Variants in ERFL observed in about 807,000 individuals in gnomAD.
The protein encoded by ERFL is ETS repressor factor like, also known as ETS domain-containing transcription factor ERF-like.
Under a neutral mutation model 27.9 loss-of-function variants are expected in ERFL, and 8 were observed. The ratio of observed to expected loss-of-function variants is 0.29; its 90% CI spans 0.17 to 0.52. The LOEUF (loss-of-function observed/expected upper bound fraction) is 0.52, where lower values mean the gene tolerates loss of function less well. ERFL is among the 20% of genes least tolerant of loss of function. ERFL has a pLI of 0.97. For synonymous variants in ERFL, 174 were observed against 202.8 expected (o/e 0.86, Z 1.21); for missense variants, 294 against 444.4 (o/e 0.66, Z 3.04).
chr19:41,917,658 A>G lies in ERFL; in HGVS notation c.-13-4726T>C, dbSNP rs1036797402. ...TGCCCCAAAGCACACGCACGCACGCACACACACACCCTGACTGCACCCACC... is the reference window on the plus strand; with the variant it reads ...TGCCCCAAAGCACACGCACGCACGCGCACACACACCCTGACTGCACCCACC... On this transcript the variant is annotated intron_variant, in intron 1 of 5. Transcript: ENST00000597630. This position sits in a 1 kb window ranked among gnomAD's most constrained non-coding sequence, Gnocchi z 4.8. 1.1e-4 allele frequency among the ~76,000 whole-genome samples: 16 copies of G among 151,560 alleles called. No individual in the cohort carries two copies. Among genetic ancestry groups the G allele is most frequent in the South Asian group, 2.1e-4 (1 of 4,656 alleles).
At chr19:41,927,858 G>A (rs2074880724) in intron 1 of ERFL, among the ~76,000 whole-genome samples, 182 bp downstream of exon 1, 2 of 151,180 alleles carry the variant, frequency 1.3e-5, no homozygotes, top group South Asian at 2.1e-4. Flanking sequence ...CACCTTCCCA[G>A]AGTTGGGCGC....
At chr19:41,922,911 C>G (rs545333125) in intron 1 of ERFL, among the ~76,000 whole-genome samples, 1 of 152,192 alleles carries the variant, frequency 6.6e-6, no homozygotes, top group South Asian at 2.1e-4. Flanking sequence ...CAGGCCTGGG[C>G]TGGAGGGGAT....
rs964361779 is a variant in ERFL, at chr19:41,921,619, C to G, written c.-14+6421G>C. Among the ~76,000 whole-genome samples, 14 of 151,946 alleles carry G rather than the reference C, an allele frequency of 9.2e-5. No homozygotes were observed. Among genetic ancestry groups the G allele is most frequent in the African/African-American group, 3.1e-4 (13 of 41,336 alleles). On this transcript the variant is annotated intron_variant, in intron 1 of 5. Coordinates refer to ENST00000597630, the MANE Select transcript of ERFL (RefSeq NM_001365103.2). This position sits in a 1 kb window ranked among gnomAD's most constrained non-coding sequence, Gnocchi z 4.4. ...CTGGAGGTCACGGGAGAGCGAGGGC[C>G]GCACCGGAGACCCTGGGTTGGGAGG...
intron 1 of ERFL, among the ~76,000 whole-genome samples, chr19:41,918,054 T>A (rs1555852100): frequency 6.7e-6 from 1 of 150,026 alleles, no homozygotes; most frequent in African/African-American, 2.5e-5. Flanking sequence ...GAGGAGGGGG[T>A]TCAGGGGTGA....
At chr19:41,915,249 C>T (rs899057265) in intron 1 of ERFL, among the ~76,000 whole-genome samples, 7 of 150,258 alleles carry the variant, frequency 4.7e-5, no homozygotes, top group African/African-American at 1.7e-4. Context: ...GTGGGATCGG[C>T]GCTCCGGGCC....
intron 1 of ERFL, among the ~76,000 whole-genome samples, chr19:41,927,414 G>A (rs1170263480): frequency 6.6e-6 from 1 of 151,844 alleles, no homozygotes; most frequent in African/African-American, 2.4e-5. Context: ...ATCCAAATTC[G>A]CAGACCCTTA....
chr19:41,910,482 T>TCTC lies in ERFL; in HGVS notation c.68-388_68-386dup, dbSNP rs2074745596. 6.6e-6 allele frequency among the ~76,000 whole-genome samples: 1 copy of TCTC among 151,536 alleles called. No individual in the cohort carries two copies. Among genetic ancestry groups the TCTC allele is most frequent in the African/African-American group, 2.4e-5 (1 of 41,202 alleles). On this transcript the variant is annotated intron_variant, in intron 2 of 5. Coordinates refer to ENST00000597630, the MANE Select transcript of ERFL (RefSeq NM_001365103.2). The surrounding 1 kb of genome is among the most constrained non-coding windows in gnomAD (Gnocchi z 4.4). The stretch of plus-strand genomic sequence containing the variant: ...ACTGCCCCCAGCCAGCCCTAGGAGG[T>TCTC]CTCTAGTCTCTTGTACCCTGCGGTG...
intron 1 of ERFL, among the ~76,000 whole-genome samples, chr19:41,918,227 A>T (rs1302301942): frequency 6.6e-6 from 1 of 151,604 alleles, no homozygotes; most frequent in Non-Finnish European, 1.5e-5. Flanking sequence ...CACACATACC[A>T]CATATACACA....
rs959542494 is a variant in ERFL at position 41,917,132 on chromosome 19, C to G, written c.-13-4200G>C. On this transcript the variant is annotated intron_variant, in intron 1 of 5. Coordinates refer to ENST00000597630, the MANE Select transcript of ERFL (RefSeq NM_001365103.2). The surrounding 1 kb of genome is among the most constrained non-coding windows in gnomAD (Gnocchi z 4.8). Reference sequence around the variant, plus strand: ...CCCCTTCGGGTGTCGGCGCATCTTTCTGTCTGTCTCTGTCACTGAGGGTCT... The same window carrying G: ...CCCCTTCGGGTGTCGGCGCATCTTTGTGTCTGTCTCTGTCACTGAGGGTCT... 6.6e-6 allele frequency among the ~76,000 whole-genome samples: 1 copy of G among 152,184 alleles called. No individual in the cohort carries two copies. The highest frequency in any genetic ancestry group is 2.4e-5 in the African/African-American group (1 of 41,438).
Position 41,908,752 on chromosome 19 carries a change from A to G in ERFL, c.617-76T>C. 1.4e-6 allele frequency: 1 copy of G among 737,950 alleles called. No homozygotes were observed. The highest frequency in any genetic ancestry group is 1.9e-6 in the Non-Finnish European group (1 of 537,060). The allele number at this position is 737,950 out of a possible 1,614,324, so 45.7% of individuals were successfully genotyped here. On this transcript the variant is annotated intron_variant, in intron 5 of 5. Transcript: ENST00000597630. This position sits in a 1 kb window ranked among gnomAD's most constrained non-coding sequence, Gnocchi z 6.7. Reference sequence around the variant, plus strand: ...CAGTAAAGGGGGCTGCCTCCCTGCCATATCCCACCCCATCTCCCCGCATCC... The same window carrying G: ...CAGTAAAGGGGGCTGCCTCCCTGCCGTATCCCACCCCATCTCCCCGCATCC...
chr19:41,919,980 C>T (rs1446567054), intron 1 of ERFL, among the ~76,000 whole-genome samples: 1 of 132,432 alleles, frequency 7.6e-6, no homozygotes, highest in Non-Finnish European at 1.6e-5. Flanking sequence ...GACACGCCCA[C>T]AGACGTGACA....
At position 41,910,456 on chromosome 19, in the gene ERFL, C is replaced by T. The variant is rs782429537; in HGVS notation, c.68-359G>A. ...CCGCCTCCAACAGCGTTAGTCCTCT[C>T]ACTGCCCCCAGCCAGCCCTAGGAGG... On this transcript the variant is annotated intron_variant, in intron 2 of 5. Transcript: ENST00000597630. This position sits in a 1 kb window ranked among gnomAD's most constrained non-coding sequence, Gnocchi z 4.4. Among the ~76,000 whole-genome samples the T allele has an allele frequency of 1.3e-5, 2 of 152,112 alleles. No homozygotes were observed. Among genetic ancestry groups the T allele is most frequent in the Non-Finnish European group, 2.9e-5 (2 of 68,000 alleles).
intron 1 of ERFL, among the ~76,000 whole-genome samples, chr19:41,919,430 ATCAC>A (rs1441676498): frequency 1.3e-5 from 2 of 152,284 alleles, no homozygotes; most frequent in South Asian, 2.1e-4. Context: ...GACACACAGT[ATCAC>A]TCAATTGTTA....
chr19:41,909,490 T>G lies in ERFL; in HGVS notation c.303-19A>C, dbSNP rs1599670809. 1 of 1,250,226 alleles carries G rather than the reference T, an allele frequency of 8.0e-7. No homozygotes were observed. The highest frequency in any genetic ancestry group is 1.0e-6 in the Non-Finnish European group (1 of 998,630). 77.4% of individuals were successfully genotyped at this position (1,250,226 alleles called of 1,614,324 possible). ...GTAGTAACTGTGGGGAGAGTGGTGG[T>G]GTTGGGGAGGTGCAGGGGGAGCCCT... On this transcript the variant is annotated intron_variant, in intron 3 of 5. Coordinates refer to ENST00000597630, the MANE Select transcript of ERFL (RefSeq NM_001365103.2). The surrounding 1 kb of genome is among the most constrained non-coding windows in gnomAD (Gnocchi z 5.2).
intron 1 of ERFL, among the ~76,000 whole-genome samples, chr19:41,914,568 TG>T (rs2074776512): frequency 2.3e-5 from 1 of 42,718 alleles, no homozygotes; most frequent in Non-Finnish European, 4.4e-5. Context: ...CCACCATCTC[TG>T]TCTCCGTCTC....
chr19:41,920,339 G>T (rs201514592), intron 1 of ERFL, among the ~76,000 whole-genome samples: 1 of 131,592 alleles, frequency 7.6e-6, no homozygotes, highest in Non-Finnish European at 1.6e-5. Flanking sequence ...ACACTCAGAC[G>T]TGATGCACTC....
Position 41,909,951 on chromosome 19 carries a change from T to C in ERFL, c.214A>G (p.Ile72Val). 1 of 1,613,940 alleles carries C rather than the reference T, an allele frequency of 6.2e-7. No homozygotes were observed. The highest frequency in any genetic ancestry group is 8.5e-7 in the Non-Finnish European group (1 of 1,179,966). Residue 72 changes from isoleucine to valine, a missense_variant, in exon 3 of 6, where the codon ATC (isoleucine) becomes GTC (valine). This residue lies in a region of ERFL where 246 missense variants were observed against 371.4 expected (regional missense o/e 0.66). Coordinates refer to ENST00000597630, the MANE Select transcript of ERFL (RefSeq NM_001365103.2). This position sits in a 1 kb window ranked among gnomAD's most constrained non-coding sequence, Gnocchi z 5.2. ...AWQGDYGEFV[I>V]KDPDEVARLW... ...CGGGCCACCTCATCGGGGTCTTTGATGACGAATTCCCCGTAGTCCCCCTGC... is the reference window on the plus strand; with the variant it reads ...CGGGCCACCTCATCGGGGTCTTTGACGACGAATTCCCCGTAGTCCCCCTGC...
intron 2 of ERFL, among the ~76,000 whole-genome samples, chr19:41,911,661 G>A (rs2074752433): frequency 6.6e-6 from 1 of 152,048 alleles, no homozygotes; most frequent in Non-Finnish European, 1.5e-5. Context: ...TGACAGGGCT[G>A]GATCCAGACT....
chr19:41,926,982 AAGAG>A (rs1336052912), intron 1 of ERFL, among the ~76,000 whole-genome samples: 6 of 151,796 alleles, frequency 4.0e-5, no homozygotes, highest in African/African-American at 9.7e-5. Flanking sequence ...CCGAGAAAGG[AAGAG>A]AGAGAGATAG....
Sources: gnomAD v4.1 joint callset for allele counts (sites outside exome capture counted in the v4.1 genomes callset) on GRCh38, gnomAD v4.1.1 for gene constraint, gnomAD v4.1.1 regional missense constraint, Gnocchi (gnomAD v3.1) non-coding constraint, MANE v1.5 for transcripts, NCBI Gene and HGNC (gene_info 2026-07-23, HGNC 2026-07-21) for gene names.